Variants in RIT2 observed in about 807,000 individuals in gnomAD.
RIT2 encodes the protein GTP-binding protein Rit2.
In RIT2, 24 loss-of-function variants were observed where a neutral mutation model predicts 23.7. The observed-to-expected ratio is 1.01, with a 90% CI of 0.73 to 1.43. RIT2 has a LOEUF of 1.43. RIT2 is among the 40% of genes most tolerant of loss of function. The pLI, the probability that RIT2 is intolerant of heterozygous loss-of-function variation, is 0.00. For missense variants in RIT2, 236 were observed against 266.9 expected, an observed-to-expected ratio of 0.88 and a Z score of 0.81; for synonymous variants, 107 against 91.1, an observed-to-expected ratio of 1.17 and a Z score of -0.99.
chr18:42,929,723 T>C (rs1055444373), intron 3 of RIT2, among the ~76,000 whole-genome samples: 2 of 152,174 alleles, frequency 1.3e-5, no homozygotes, highest in Non-Finnish European at 2.9e-5. Context: ...ACAAGTGCAA[T>C]GCCCTTCTGG....
At chr18:42,973,990 C>T in intron 3 of RIT2, 84 bp downstream of exon 3, 1 of 836,766 alleles carries the variant, frequency 1.2e-6, no homozygotes. Flanking sequence ...TGAATAAAGT[C>T]ATCTTCTCCT....
chr18:42,801,387 T>C (rs1308837349), intron 4 of RIT2, among the ~76,000 whole-genome samples: 1 of 152,232 alleles, frequency 6.6e-6, no homozygotes, highest in Non-Finnish European at 1.5e-5. Context: ...ATCTATTCTT[T>C]GATGTTGAAA....
chr18:43,107,796 C>T (rs757357115), intron 1 of RIT2, among the ~76,000 whole-genome samples: 7 of 152,062 alleles, frequency 4.6e-5, no homozygotes, highest in Non-Finnish European at 8.8e-5. Flanking sequence ...TAGCACTCTC[C>T]GTTGTTTGTG....
At chr18:42,764,241 C>G (rs1301684718) in intron 4 of RIT2, among the ~76,000 whole-genome samples, 1 of 152,172 alleles carries the variant, frequency 6.6e-6, no homozygotes. Context: ...GTTTTCTGAT[C>G]AGTAAGATCA....
intron 3 of RIT2, among the ~76,000 whole-genome samples, chr18:42,960,828 G>T (rs1910078776): frequency 6.6e-6 from 1 of 152,154 alleles, no homozygotes; most frequent in Non-Finnish European, 1.5e-5. Context: ...TTTTTATGAA[G>T]AAGGTATACT....
chr18:42,915,907 T>C (rs1226425881), intron 4 of RIT2, among the ~76,000 whole-genome samples: 1 of 151,896 alleles, frequency 6.6e-6, no homozygotes, highest in Non-Finnish European at 1.5e-5. Flanking sequence ...TATACACATG[T>C]ATTATTATGT....
intron 1 of RIT2, among the ~76,000 whole-genome samples, chr18:43,072,818 A>G (rs993338717): frequency 2.6e-5 from 4 of 152,186 alleles, no homozygotes; most frequent in Admixed American, 2.6e-4. Flanking sequence ...TAAAGGAAAA[A>G]CAAAGATACA....
chr18:43,115,334 T>A (rs2144258689), intron 1 of RIT2, 83 bp downstream of exon 1: 1 of 1,535,754 alleles, frequency 6.5e-7, no homozygotes. Flanking sequence ...TCTAACAGCA[T>A]CAGCAATATC....
chr18:42,796,381 G>A (rs1267166157), intron 4 of RIT2, among the ~76,000 whole-genome samples: 1 of 152,152 alleles, frequency 6.6e-6, no homozygotes, highest in African/African-American at 2.4e-5. Flanking sequence ...ACAAACTCCA[G>A]ACGCACCACC....
chr18:42,949,968 C>A (rs1157934967), intron 3 of RIT2, among the ~76,000 whole-genome samples: 1 of 152,036 alleles, frequency 6.6e-6, no homozygotes, highest in Non-Finnish European at 1.5e-5. Flanking sequence ...CTTAGTATTT[C>A]TAAGATTTGA....
At chr18:43,013,423 C>A (rs1911398336) in intron 2 of RIT2, among the ~76,000 whole-genome samples, 1 of 151,784 alleles carries the variant, frequency 6.6e-6, no homozygotes, top group African/African-American at 2.4e-5. Context: ...ACTGCTCCTG[C>A]AGTTTCTGAT....
chr18:42,904,389 G>A (rs896393232), intron 4 of RIT2, among the ~76,000 whole-genome samples: 7 of 152,246 alleles, frequency 4.6e-5, no homozygotes, highest in East Asian at 1.9e-4. Flanking sequence ...AGTCTTTGCA[G>A]TGTCAGGTAT....
chr18:42,770,643 G>T (rs566454280), intron 4 of RIT2, among the ~76,000 whole-genome samples: 1 of 152,242 alleles, frequency 6.6e-6, no homozygotes, highest in East Asian at 1.9e-4. Flanking sequence ...TCTTGGTAAG[G>T]GATAGAGATA....
chr18:42,867,623 C>CA (rs1422861412), intron 4 of RIT2, among the ~76,000 whole-genome samples: 6 of 124,004 alleles, frequency 4.8e-5, no homozygotes, highest in Non-Finnish European at 8.4e-5. Context: ...CTATTTCTGC[C>CA]AAAAATTAAA....
At chr18:42,856,899 G>C (rs997830296) in intron 4 of RIT2, among the ~76,000 whole-genome samples, 1 of 140,466 alleles carries the variant, frequency 7.1e-6, no homozygotes, top group East Asian at 2.2e-4. Flanking sequence ...GTGGGATCTC[G>C]GCTCACTGAA....
chr18:42,938,327 C>T (rs760461362), intron 3 of RIT2, among the ~76,000 whole-genome samples: 2 of 152,064 alleles, frequency 1.3e-5, no homozygotes, highest in South Asian at 2.1e-4. Flanking sequence ...GCAATGAGAC[C>T]GAACAAGTTC....
At chr18:43,108,333 C>T (rs913130326) in intron 1 of RIT2, among the ~76,000 whole-genome samples, 1 of 150,968 alleles carries the variant, frequency 6.6e-6, no homozygotes, top group Non-Finnish European at 1.5e-5. Flanking sequence ...ATCTATGTGC[C>T]TTGGGCCATA....
At chr18:42,931,944 A>C (rs1351083749) in intron 3 of RIT2, among the ~76,000 whole-genome samples, 1 of 152,194 alleles carries the variant, frequency 6.6e-6, no homozygotes, top group African/African-American at 2.4e-5. Flanking sequence ...ACACATACCC[A>C]CACGTGCTTT....
At chr18:42,935,140 TATCA>T (rs1909420592) in intron 3 of RIT2, among the ~76,000 whole-genome samples, 1 of 152,038 alleles carries the variant, frequency 6.6e-6, no homozygotes, top group Non-Finnish European at 1.5e-5. Context: ...TCCCCTACAT[TATCA>T]GTTACTGCCT....
Sources: gnomAD v4.1 joint callset for allele counts (sites outside exome capture counted in the v4.1 genomes callset) on GRCh38, gnomAD v4.1.1 for gene constraint, MANE v1.5 for transcripts, NCBI Gene and HGNC (gene_info 2026-07-23, HGNC 2026-07-21) for gene names.